FHIT: variants seen among roughly 807,000 people sequenced by gnomAD.
FHIT encodes bis(5'-adenosyl)-triphosphatase.
FHIT carries 19 observed loss-of-function variants against 17.9 expected under a neutral mutation model. That is an observed-to-expected ratio of 1.06 (90% CI 0.74 to 1.56). FHIT has a LOEUF of 1.56. Ranked by LOEUF, FHIT falls within the 40% of genes most tolerant of loss-of-function variation. The pLI is 0.00. For synonymous variants in FHIT, 81 were observed against 69.7 expected (o/e 1.16, Z -0.81); for missense variants, 248 against 189.2 (o/e 1.31, Z -1.82).
intron 7 of FHIT, among the ~76,000 whole-genome samples, chr3:59,953,938 C>G (rs1379396277): frequency 2.0e-5 from 3 of 152,200 alleles, no homozygotes; most frequent in Admixed American, 2.0e-4. Context: ...GTTCTGCTTT[C>G]AAGGCCAAAC....
Position 61,185,611 on chromosome 3 carries a change from T to C in FHIT, c.-164+15006A>G, listed in dbSNP as rs564190377. 1.5e-4 allele frequency among the ~76,000 whole-genome samples: 23 copies of C among 152,272 alleles called. No homozygotes were observed. In the South Asian group the frequency reaches 4.6e-3, roughly 30 times the overall value. Reference sequence around the variant, plus strand: ...TGTACATCCACTTCGGTACTTTCTATCCACATGAGAGAACACACTGCAGCA... The same window carrying C: ...TGTACATCCACTTCGGTACTTTCTACCCACATGAGAGAACACACTGCAGCA... On this transcript the variant is annotated intron_variant, in intron 2 of 9. Transcript: ENST00000492590.
At chr3:60,054,677 T>C (rs1396092858) in intron 5 of FHIT, among the ~76,000 whole-genome samples, 1 of 152,190 alleles carries the variant, frequency 6.6e-6, no homozygotes, top group African/African-American at 2.4e-5. Flanking sequence ...ATTTATTAGA[T>C]AGAGAACTAC....
chr3:61,067,227 C>G lies in FHIT; in HGVS notation c.-163-25128G>C, dbSNP rs140532626. On this transcript the variant is annotated intron_variant, in intron 2 of 9. Coordinates refer to ENST00000492590, the MANE Select transcript of FHIT (RefSeq NM_002012.4). ...AAAGTTTCTTATTATCTCTATGCATCAGGAGTCCCCAAGACAATCCTTAGA... is the reference window on the plus strand; with the variant it reads ...AAAGTTTCTTATTATCTCTATGCATGAGGAGTCCCCAAGACAATCCTTAGA... Among the ~76,000 whole-genome samples, 479 of 152,226 alleles carry G rather than the reference C, an allele frequency of 3.1e-3. 4 individuals are homozygous for G. The highest frequency in any genetic ancestry group is 0.011 in the African/African-American group (443 of 41,526).
intron 5 of FHIT, among the ~76,000 whole-genome samples, chr3:60,045,397 G>T (rs1701611190): frequency 6.6e-6 from 1 of 151,986 alleles, no homozygotes; most frequent in Non-Finnish European, 1.5e-5. Flanking sequence ...CAGGCAAAGA[G>T]AGAGTTTGTG....
chr3:60,002,644 T>C (rs534394721), intron 7 of FHIT, among the ~76,000 whole-genome samples: 236 of 152,312 alleles, frequency 1.5e-3, no homozygotes, highest in Non-Finnish European at 2.2e-3. Context: ...TCCACATCTG[T>C]GGCTCTGCAG....
At chr3:60,163,952 C>A (rs971561430) in intron 5 of FHIT, among the ~76,000 whole-genome samples, 1 of 152,146 alleles carries the variant, frequency 6.6e-6, no homozygotes, top group Non-Finnish European at 1.5e-5. Flanking sequence ...ATCTCCTCCA[C>A]GTGAAAATGA....
At chr3:60,190,354 C>CA (rs1702346419) in intron 5 of FHIT, among the ~76,000 whole-genome samples, 1 of 141,658 alleles carries the variant, frequency 7.1e-6, no homozygotes. Context: ...GAGATGAGAC[C>CA]AGAAAAAAAA....
chr3:60,980,283 G>A (rs956132595), intron 3 of FHIT, among the ~76,000 whole-genome samples: 8 of 152,178 alleles, frequency 5.3e-5, no homozygotes, highest in African/African-American at 1.9e-4. Flanking sequence ...TCCCTAAGGA[G>A]TAACTGACGT....
At position 60,041,059 on chromosome 3, in the gene FHIT, A is replaced by AT. The variant is rs754142188; in HGVS notation, c.104-26908dup. Among the ~76,000 whole-genome samples the AT allele has an allele frequency of 1.5e-4, 23 of 152,288 alleles. 1 individual carries two copies. Among genetic ancestry groups the AT allele is most frequent in the South Asian group, 2.1e-4 (1 of 4,820 alleles). On this transcript the variant is annotated intron_variant, in intron 5 of 9. Transcript: ENST00000492590. ...ACATCTCTCTGAAGGACTTTTCTCA[A>AT]TAAAAAAAAGCTACTGATGCATTTA...
chr3:59,870,056 G>C (rs1181218276), intron 8 of FHIT, among the ~76,000 whole-genome samples: 2 of 152,096 alleles, frequency 1.3e-5, no homozygotes, highest in African/African-American at 2.4e-5. Flanking sequence ...TATAGCTGGG[G>C]AAACTGAGAT....
chr3:60,800,312 T>C (rs1314579465), intron 4 of FHIT, among the ~76,000 whole-genome samples: 2 of 152,252 alleles, frequency 1.3e-5, no homozygotes, highest in African/African-American at 4.8e-5. Context: ...AGTATCATCT[T>C]ACGGTGCCTA....
At chr3:60,199,617 T>C (rs1259116783) in intron 5 of FHIT, among the ~76,000 whole-genome samples, 1 of 152,202 alleles carries the variant, frequency 6.6e-6, no homozygotes, top group Non-Finnish European at 1.5e-5. Context: ...TACAATTCTG[T>C]AGTTTCTCCT....
At chr3:60,632,399 T>C (rs538683380) in intron 4 of FHIT, among the ~76,000 whole-genome samples, 31 of 152,302 alleles carry the variant, frequency 2.0e-4, no homozygotes, top group Admixed American at 6.5e-4. Flanking sequence ...CAAGTTGACA[T>C]GGCCCGTTAC....
chr3:59,779,915 C>T (rs1277351214), intron 8 of FHIT, among the ~76,000 whole-genome samples: 1 of 152,198 alleles, frequency 6.6e-6, no homozygotes, highest in East Asian at 1.9e-4. Context: ...ACCACACGGA[C>T]ACACAGGTAA....
chr3:60,506,406 T>C (rs1209265542), intron 5 of FHIT, among the ~76,000 whole-genome samples: 1 of 152,194 alleles, frequency 6.6e-6, no homozygotes, highest in Admixed American at 6.5e-5. Flanking sequence ...GAGATTGTGT[T>C]TGGCAAATCC....
rs76340742 is a variant in FHIT, at chr3:59,858,857, G to T, written c.348+63489C>A. On this transcript the variant is annotated intron_variant, in intron 8 of 9. Coordinates refer to ENST00000492590, the MANE Select transcript of FHIT (RefSeq NM_002012.4). ...GACTTAGATTTGAATTGAAGATACT[G>T]ATATGAATTCATGTGGCTTATGTGT... Among the ~76,000 whole-genome samples, 286 of 152,294 alleles carry T rather than the reference G, an allele frequency of 1.9e-3. 8 individuals carry two copies. In the East Asian group the frequency reaches 0.039, roughly 21 times the overall value.
intron 2 of FHIT, among the ~76,000 whole-genome samples, chr3:61,170,921 A>C (rs775302129): frequency 2.6e-5 from 4 of 152,112 alleles, no homozygotes; most frequent in Non-Finnish European, 4.4e-5. Context: ...GGTATTAGAT[A>C]CCCAAAAAAA....
At chr3:60,802,214 T>C (rs73836148) in intron 4 of FHIT, among the ~76,000 whole-genome samples, 21,634 of 152,212 alleles carry the variant, frequency 0.14, 1,699 homozygotes, top group African/African-American at 0.2. Flanking sequence ...GAATCATTAA[T>C]GATTTATGCT....
chr3:60,878,289 ACT>A (rs782801231), intron 3 of FHIT, among the ~76,000 whole-genome samples: 4 of 151,890 alleles, frequency 2.6e-5, no homozygotes, highest in Non-Finnish European at 5.9e-5. Flanking sequence ...GGCTTGTGAA[ACT>A]CTGATATTAG....
Sources: gnomAD v4.1 joint callset for allele counts (sites outside exome capture counted in the v4.1 genomes callset) on GRCh38, gnomAD v4.1.1 for gene constraint, MANE v1.5 for transcripts, NCBI Gene and HGNC (gene_info 2026-07-23, HGNC 2026-07-21) for gene names.